Variants in GIT2 observed in about 807,000 individuals in gnomAD.
The protein encoded by GIT2 is GIT ArfGAP 2, also known as ARF GTPase-activating protein GIT2.
A neutral mutation model predicts 100.3 loss-of-function variants in GIT2; 32 were observed. The ratio of observed to expected loss-of-function variants is 0.32; its 90% confidence interval spans 0.24 to 0.43. The LOEUF (loss-of-function observed/expected upper bound fraction) is 0.43, where lower values mean the gene tolerates loss of function less well. Among genes scored for constraint, GIT2 ranks in the 20% least tolerant of loss-of-function variants. The pLI is 1.00. For missense variants in GIT2, 737 were observed against 975.1 expected, an observed-to-expected ratio of 0.76 and a Z score of 3.25; for synonymous variants, 353 against 364.1, an observed-to-expected ratio of 0.97 and a Z score of 0.35.
chr12:109,989,929 CATT>C (rs1297193004), intron 2 of GIT2, 127 bp from the exon 3 acceptor site: 1 of 658,706 alleles, frequency 1.5e-6, no homozygotes, highest in African/African-American at 1.8e-5. Flanking sequence ...TCATTCATAT[CATT>C]GTTTTCTGAT....
In GIT2 at chr12:109,990,647, T is replaced by C. The variant is rs551267171; in HGVS notation, c.187-845A>G. ...CAGCTGTCACAGATTCAGTGAAATGTGTAATCAAGACAAATGAAGGCAAAA... is the reference window on the plus strand; with the variant it reads ...CAGCTGTCACAGATTCAGTGAAATGCGTAATCAAGACAAATGAAGGCAAAA... On this transcript the variant is annotated intron_variant, in intron 2 of 19. Transcript: ENST00000355312. Among the ~76,000 whole-genome samples, 3 of 152,270 alleles carry C rather than the reference T, an allele frequency of 2.0e-5. No individual in the cohort carries two copies. In the South Asian group the frequency reaches 6.2e-4, roughly 32 times the overall value.
chr12:110,000,158 G>T (rs1889878260), upstream of GIT2, among the ~76,000 whole-genome samples: 1 of 152,202 alleles, frequency 6.6e-6, no homozygotes, highest in South Asian at 2.1e-4. Flanking sequence ...ACCATTTTTA[G>T]GTTCTGCTGC....
chr12:109,999,538 C>A, upstream of GIT2: 1 of 468,600 alleles, frequency 2.1e-6, no homozygotes, highest in Non-Finnish European at 3.3e-6. This position sits in a 1 kb window ranked among gnomAD's most constrained non-coding sequence, Gnocchi z 4.3. Flanking sequence ...CTCCCGCGCG[C>A]CCCGCACCCG....
At chr12:109,977,649 C>T (rs1018579010) in intron 7 of GIT2, among the ~76,000 whole-genome samples, 3 of 152,106 alleles carry the variant, frequency 2.0e-5, no homozygotes, top group Admixed American at 6.6e-5. Context: ...TGGTGAAACC[C>T]CATCTCTACT....
chr12:109,938,641 T>C, intron 17 of GIT2, 73 bp from the exon 18 acceptor site: 1 of 1,051,442 alleles, frequency 9.5e-7, no homozygotes, highest in Non-Finnish European at 1.4e-6. Context: ...GGAGCCACTT[T>C]GTATGCACTG....
intron 7 of GIT2, 22 bp downstream of exon 7, chr12:109,980,930 C>T (rs770424462): frequency 6.3e-6 from 9 of 1,426,640 alleles, no homozygotes; most frequent in East Asian, 4.5e-5. Context: ...AGATGTGAAA[C>T]GGTCATTCTC....
intron 7 of GIT2, among the ~76,000 whole-genome samples, chr12:109,980,717 AAT>A (rs1886150391): frequency 6.6e-6 from 1 of 152,208 alleles, no homozygotes; most frequent in Admixed American, 6.6e-5. Flanking sequence ...TGATTCTTGA[AAT>A]AGTCATTTCT....
Position 109,939,177 on chromosome 12 carries a change from G to A in GIT2, c.1802C>T (p.Pro601Leu), listed in dbSNP as rs1438716968. The part of the protein sequence containing the change: ...DYDNTPNDME[P>L]DGMGSSRKGR... ...CCTGTGCATGTACCCCATGCCATCT[G>A]GCTCCATGTCGTTGGGAGTGTTGTC... Residue 601 changes from proline (P) to leucine (L), a missense_variant, in exon 17 of 20, where the codon CCA (proline) becomes CTA (leucine). By Grantham distance (98) the Pro-to-Leu change is moderately conservative. This residue lies in a region of GIT2 where 451 missense variants were observed against 543.7 expected (regional missense o/e 0.83). Coordinates refer to ENST00000355312, the MANE Select transcript of GIT2 (RefSeq NM_057169.5). The A allele has an allele frequency of 6.2e-7, 1 of 1,607,026 alleles. No individual in the cohort carries two copies. The highest frequency in any genetic ancestry group is 8.5e-7 in the Non-Finnish European group (1 of 1,173,698).
At chr12:109,978,076 GTTTTTTT>G (rs111855474) in intron 7 of GIT2, among the ~76,000 whole-genome samples, 1 of 93,498 alleles carries the variant, frequency 1.1e-5, no homozygotes, top group Non-Finnish European at 2.0e-5. Flanking sequence ...AAATTTAGAG[GTTTTTTT>G]TTTTTTTTTT....
At chr12:109,999,828 G>T, upstream of GIT2, 1 of 1,475,280 alleles carries the variant, frequency 6.8e-7, no homozygotes. This position sits in a 1 kb window ranked among gnomAD's most constrained non-coding sequence, Gnocchi z 4.3. Context: ...GGGACTTCGG[G>T]GAATCGGGGG....
chr12:109,963,081 G>C (rs1881466639), intron 9 of GIT2, among the ~76,000 whole-genome samples: 1 of 152,148 alleles, frequency 6.6e-6, no homozygotes, highest in Admixed American at 6.6e-5. Flanking sequence ...ATATATTACT[G>C]AGTGAAAAAA....
intron 1 of GIT2, chr12:109,991,961 A>G: frequency 2.0e-6 from 1 of 490,872 alleles, no homozygotes; most frequent in Non-Finnish European, 3.6e-6. Flanking sequence ...TTGAGACTAA[A>G]AACACCAGTG....
intron 7 of GIT2, among the ~76,000 whole-genome samples, chr12:109,968,212 T>G (rs1593066888): frequency 6.6e-6 from 1 of 152,346 alleles, no homozygotes; most frequent in East Asian, 1.9e-4. Flanking sequence ...GAGTTACAGT[T>G]GCTTCCTGTC....
intron 11 of GIT2, among the ~76,000 whole-genome samples, 173 bp from the exon 12 acceptor site, chr12:109,960,131 T>A (rs1370563707): frequency 6.6e-6 from 1 of 152,232 alleles, no homozygotes; most frequent in African/African-American, 2.4e-5. Context: ...GTTTTCCATA[T>A]GAACAGTTTA....
chr12:109,953,385 C>A, intron 12 of GIT2, 151 bp from the exon 13 acceptor site: 1 of 712,566 alleles, frequency 1.4e-6, no homozygotes, highest in Non-Finnish European at 2.4e-6. Context: ...TCTAGGAGGC[C>A]AAGGAGGAGA....
chr12:109,975,723 C>G (rs1190754696), intron 7 of GIT2, among the ~76,000 whole-genome samples: 3 of 149,688 alleles, frequency 2.0e-5, no homozygotes. Flanking sequence ...ATTTTTAATA[C>G]TCCATTTTCA....
At chr12:109,945,375 C>A in intron 15 of GIT2, 26 bp from the exon 16 acceptor site, 1 of 1,172,420 alleles carries the variant, frequency 8.5e-7, no homozygotes, top group Non-Finnish European at 1.3e-6. Flanking sequence ...GAAACACACT[C>A]GGGAAAATAC....
At chr12:109,977,065 C>A (rs1410256882) in intron 7 of GIT2, among the ~76,000 whole-genome samples, 1 of 152,124 alleles carries the variant, frequency 6.6e-6, no homozygotes, top group Non-Finnish European at 1.5e-5. Flanking sequence ...TCTAGCATTT[C>A]TGTTAAAGTA....
At chr12:109,951,410 G>T in intron 13 of GIT2, 94 bp from the exon 14 acceptor site, 1 of 1,029,632 alleles carries the variant, frequency 9.7e-7, no homozygotes. Flanking sequence ...CAAGCCAGCT[G>T]AATTGCAAAG....
Sources: gnomAD v4.1 joint callset for allele counts (sites outside exome capture counted in the v4.1 genomes callset) on GRCh38, gnomAD v4.1.1 for gene constraint, gnomAD v4.1.1 regional missense constraint, Gnocchi (gnomAD v3.1) non-coding constraint, MANE v1.5 for transcripts, NCBI Gene and HGNC (gene_info 2026-07-23, HGNC 2026-07-21) for gene names.